ZNF550: variants seen among roughly 807,000 people sequenced by gnomAD.
ZNF550 encodes the protein zinc finger protein 550.
A neutral mutation model predicts 40.2 loss-of-function variants in ZNF550; 42 were observed. That is an observed-to-expected ratio of 1.05 (90% CI 0.82 to 1.35). The LOEUF (loss-of-function observed/expected upper bound fraction) is 1.35, where lower values mean the gene tolerates loss of function less well. ZNF550 is among the 40% of genes most tolerant of loss of function. The pLI is 0.00. For missense variants in ZNF550, 549 were observed against 525.2 expected, an observed-to-expected ratio of 1.05 and a Z score of -0.44; for synonymous variants, 223 against 198.6, an observed-to-expected ratio of 1.12 and a Z score of -1.03.
exon 4 of ZNF550, chr19:57,547,781 C>G: frequency 6.2e-7 from 1 of 1,614,146 alleles, no homozygotes; most frequent in Non-Finnish European, 8.5e-7. Flanking sequence ...TCAAGGCTCA[C>G]TTTCCCAAGA....
chr19:57,559,583 C>T (rs1172424239), intron 1 of ZNF550, 73 bp downstream of exon 1: 3 of 1,385,490 alleles, frequency 2.2e-6, no homozygotes, highest in Non-Finnish European at 1.9e-6. Flanking sequence ...GACCCTGAAA[C>T]GCCGTCCTTC....
chr19:57,556,462 T>C (rs2090122389), intron 1 of ZNF550, 105 bp from the exon 2 acceptor site: 1 of 1,442,708 alleles, frequency 6.9e-7, no homozygotes, highest in South Asian at 1.3e-5. Flanking sequence ...CAGGTCTGAA[T>C]CAACTAGGTC....
chr19:57,544,073 T>TG (rs2089986423), intron 4 of ZNF550: 1 of 985,328 alleles, frequency 1.0e-6, no homozygotes, highest in Admixed American at 6.1e-5. Context: ...GTCAATATAT[T>TG]GCACCTGTTC....
chr19:57,545,133 A>T (rs970633339), intron 4 of ZNF550, among the ~76,000 whole-genome samples: 7 of 152,168 alleles, frequency 4.6e-5, no homozygotes, highest in Non-Finnish European at 1.0e-4. Flanking sequence ...AAACACAACA[A>T]AACTAATTAC....
At position 57,554,846 on chromosome 19, in the gene ZNF550, C is replaced by T. The variant is rs2090105504; in HGVS notation, c.154+1385G>A. Reference sequence around the variant, plus strand: ...GTTCCTCCACCTGGAACACTGTTACCCTCTTCCACCTCCTTCTATCCAGCT... The same window carrying T: ...GTTCCTCCACCTGGAACACTGTTACTCTCTTCCACCTCCTTCTATCCAGCT... On this transcript the variant is annotated intron_variant, in intron 2 of 4. Transcript: ENST00000457177. The surrounding 1 kb of genome is among the most constrained non-coding windows in gnomAD (Gnocchi z 4.5). The T allele has an allele frequency of 6.6e-6, 1 of 152,278 alleles. No individual in the cohort carries two copies. Among genetic ancestry groups the T allele is most frequent in the Non-Finnish European group, 1.5e-5 (1 of 68,056 alleles). The allele number at this position is 152,278 out of a possible 1,614,324, so 9.4% of individuals were successfully genotyped here.
exon 5 of ZNF550, chr19:57,542,178 A>C (rs898149048): frequency 2.0e-5 from 3 of 151,826 alleles, no homozygotes; most frequent in African/African-American, 7.3e-5. Flanking sequence ...TATCACTTTA[A>C]ACTTCTAAAG....
At chr19:57,559,695 A>G (rs2090154028) in exon 1 of ZNF550, 2 of 1,497,496 alleles carry the variant, frequency 1.3e-6, no homozygotes, top group Middle Eastern at 2.0e-4. Context: ...GACCGTTGGC[A>G]GGACGAGGCC....
intron 3 of ZNF550, 94 bp from the exon 4 acceptor site, chr19:57,548,087 A>G (rs1322183543): frequency 1.8e-5 from 21 of 1,157,516 alleles, no homozygotes; most frequent in Non-Finnish European, 1.8e-5. Flanking sequence ...GAAGATGAAA[A>G]TAGTGCCTAT....
At chr19:57,558,864 C>T (rs1290288400) in intron 1 of ZNF550, among the ~76,000 whole-genome samples, 1 of 152,174 alleles carries the variant, frequency 6.6e-6, no homozygotes, top group South Asian at 2.1e-4. Context: ...GACACTACAT[C>T]CTGCATACCA....
intron 4 of ZNF550, chr19:57,544,217 G>T: frequency 2.0e-6 from 2 of 985,432 alleles, no homozygotes; most frequent in Non-Finnish European, 1.2e-6. Flanking sequence ...TAAATGACAG[G>T]TGTCTCATGA....
At chr19:57,560,033 T>C (rs1253197566), upstream of ZNF550, among the ~76,000 whole-genome samples, 2 of 152,200 alleles carry the variant, frequency 1.3e-5, no homozygotes, top group African/African-American at 2.4e-5. Context: ...GTGTACACAC[T>C]GGATTGTAAA....
chr19:57,546,977 A>G (rs1266246438), exon 4 of ZNF550: 2 of 1,606,646 alleles, frequency 1.2e-6, no homozygotes, highest in East Asian at 4.5e-5. Context: ...GGGTTCTCTC[A>G]TGTATGGACC....
chr19:57,559,700 G>A (rs777835929), exon 1 of ZNF550: 6 of 1,487,982 alleles, frequency 4.0e-6, no homozygotes, highest in Middle Eastern at 2.1e-4. Context: ...TTGGCAGGAC[G>A]AGGCCGCGTG....
At chr19:57,556,076 C>T in intron 2 of ZNF550, 155 bp downstream of exon 2, 1 of 957,266 alleles carries the variant, frequency 1.0e-6, no homozygotes, top group South Asian at 1.5e-5. Context: ...CATTTTCTAC[C>T]CCGACAATCT....
chr19:57,556,235 T>A, exon 2 of ZNF550: 4 of 1,613,982 alleles, frequency 2.5e-6, no homozygotes, highest in Non-Finnish European at 3.4e-6. Context: ...CATTACCTAG[T>A]GAAACCAGAA....
chr19:57,559,782 A>G (rs2090155350), exon 1 of ZNF550: 7 of 1,128,262 alleles, frequency 6.2e-6, no homozygotes, highest in Admixed American at 2.9e-5. Flanking sequence ...CAGTCGCCCT[A>G]CCATCCTTCC....
chr19:57,544,209 A>T lies in ZNF550; in HGVS notation c.*519-966T>A, dbSNP rs1450831269. 3 of 985,380 alleles carry T rather than the reference A, an allele frequency of 3.0e-6. No homozygotes were observed. In the East Asian group the frequency reaches 3.4e-4, roughly 112 times the overall value. The allele number at this position is 985,380 out of a possible 1,614,324, so 61.0% of individuals were successfully genotyped here. A position where few individuals can be genotyped will look rare whatever the true frequency, so the allele number is the denominator to read the frequency against. On this transcript the variant is annotated intron_variant, in intron 4 of 4. Coordinates refer to ENST00000457177, the Ensembl canonical transcript of ZNF550. Reference sequence around the variant, plus strand: ...ACAACAGTGAGTGGCCATGGAGCTAAATGACAGGTGTCTCATGAGATTCTT... The same window carrying T: ...ACAACAGTGAGTGGCCATGGAGCTATATGACAGGTGTCTCATGAGATTCTT...
At chr19:57,560,137 G>A (rs555105869), upstream of ZNF550, among the ~76,000 whole-genome samples, 103 of 152,298 alleles carry the variant, frequency 6.8e-4, no homozygotes, top group African/African-American at 2.4e-3. Context: ...GTTTGATAAA[G>A]GGGGCCCTGC....
chr19:57,547,430 A>T, exon 4 of ZNF550: 2 of 1,613,622 alleles, frequency 1.2e-6, no homozygotes, highest in East Asian at 4.5e-5. Context: ...ATGAGGTACG[A>T]CCTGCGTTTG....
Sources: allele counts gnomAD v4.1 joint callset (sites outside exome capture counted in the v4.1 genomes callset), GRCh38; gene constraint gnomAD v4.1.1; non-coding constraint Gnocchi (gnomAD v3.1); transcripts MANE v1.5; gene names NCBI Gene and HGNC (gene_info 2026-07-23, HGNC 2026-07-21).